TOP2B: variants seen among roughly 807,000 people sequenced by gnomAD.
TOP2B encodes the protein DNA topoisomerase 2-beta.
Under a neutral mutation model 193.5 loss-of-function variants are expected in TOP2B, and 51 were observed. That is an observed-to-expected ratio of 0.26 (90% CI 0.21 to 0.33). The LOEUF (loss-of-function observed/expected upper bound fraction) is 0.33. Ranked by LOEUF, TOP2B falls within the 10% of genes least tolerant of loss-of-function variation. The pLI, the probability that TOP2B is intolerant of heterozygous loss-of-function variation, is 1.00. For missense variants in TOP2B, 1,378 were observed against 1,909.3 expected, an observed-to-expected ratio of 0.72 and a Z score of 5.19; for synonymous variants, 634 against 635.7, an observed-to-expected ratio of 1.00 and a Z score of 0.04.
At chr3:25,599,706 A>G (rs1475306911) in intron 34 of TOP2B, among the ~76,000 whole-genome samples, 177 bp from the exon 35 acceptor site, 1 of 152,238 alleles carries the variant, frequency 6.6e-6, no homozygotes. Context: ...TCTGGGGTTG[A>G]CATGACCAAA....
chr3:25,621,326 T>A (rs758851660), intron 21 of TOP2B, among the ~76,000 whole-genome samples: 10 of 152,200 alleles, frequency 6.6e-5, no homozygotes, highest in Non-Finnish European at 1.2e-4. Flanking sequence ...TTACTCATCC[T>A]TCCCAACTGA....
chr3:25,604,705 TTTTACA>T (rs1188190161), intron 33 of TOP2B, 49 bp downstream of exon 33: 2 of 1,349,084 alleles, frequency 1.5e-6, no homozygotes, highest in African/African-American at 2.9e-5. Context: ...TTACATTTCC[TTTTACA>T]TTAACTATCT....
chr3:25,648,272 A>G (rs563647624), intron 1 of TOP2B, among the ~76,000 whole-genome samples: 2 of 152,232 alleles, frequency 1.3e-5, no homozygotes, highest in Non-Finnish European at 2.9e-5. Context: ...GTAGTTTACT[A>G]CAGCACGAGA....
intron 4 of TOP2B, among the ~76,000 whole-genome samples, chr3:25,640,759 T>C (rs1048260324): frequency 7.2e-6 from 1 of 139,260 alleles, no homozygotes; most frequent in Non-Finnish European, 1.5e-5. Flanking sequence ...TGTCTTTTTT[T>C]TTTTTTTTTT....
At chr3:25,646,773 T>G (rs1419666708) in intron 1 of TOP2B, among the ~76,000 whole-genome samples, 2 of 152,182 alleles carry the variant, frequency 1.3e-5, no homozygotes, top group Non-Finnish European at 2.9e-5. Flanking sequence ...ACTGTATCAT[T>G]AAGTATGTTT....
At chr3:25,627,653 A>C (rs1439889762) in intron 15 of TOP2B, among the ~76,000 whole-genome samples, 1 of 152,218 alleles carries the variant, frequency 6.6e-6, no homozygotes, top group Non-Finnish European at 1.5e-5. Flanking sequence ...CAGAACAAAC[A>C]ACCCAACTTC....
At chr3:25,649,609 G>GAAA (rs200542692) in intron 1 of TOP2B, among the ~76,000 whole-genome samples, 30 of 132,764 alleles carry the variant, frequency 2.3e-4, no homozygotes, top group African/African-American at 4.5e-4. Context: ...AGTACTGAAA[G>GAAA]AAAAAAAAAA....
chr3:25,597,976 A>G, downstream of TOP2B: 1 of 165,674 alleles, frequency 6.0e-6, no homozygotes, highest in Non-Finnish European at 1.3e-5. Context: ...CAGTAAAGAG[A>G]CAGAGAACAC....
At chr3:25,639,309 T>C (rs1360232946) in intron 4 of TOP2B, among the ~76,000 whole-genome samples, 1 of 152,142 alleles carries the variant, frequency 6.6e-6, no homozygotes, top group Non-Finnish European at 1.5e-5. Context: ...CTTTCCACGT[T>C]TGTTTTTGTT....
chr3:25,645,116 G>A (rs1703379063), intron 2 of TOP2B, among the ~76,000 whole-genome samples, 184 bp downstream of exon 2: 1 of 151,952 alleles, frequency 6.6e-6, no homozygotes, highest in Non-Finnish European at 1.5e-5. Flanking sequence ...AGCCTCTTCT[G>A]ACGGTTTTTA....
intron 8 of TOP2B, among the ~76,000 whole-genome samples, chr3:25,633,354 T>C (rs1703014982): frequency 1.3e-5 from 2 of 152,120 alleles, no homozygotes; most frequent in South Asian, 4.1e-4. Flanking sequence ...GCATAGGGCA[T>C]AGTACAGGGG....
chr3:25,622,967 G>A (rs190367310), intron 21 of TOP2B, among the ~76,000 whole-genome samples: 1 of 152,188 alleles, frequency 6.6e-6, no homozygotes, highest in East Asian at 1.9e-4. Flanking sequence ...TAGTAGAGAT[G>A]GAGTTTCCCC....
At chr3:25,622,181 T>G (rs919301687) in intron 21 of TOP2B, among the ~76,000 whole-genome samples, 3 of 152,150 alleles carry the variant, frequency 2.0e-5, no homozygotes, top group Non-Finnish European at 4.4e-5. Context: ...TAGCACAGTT[T>G]CATACACATA....
chr3:25,617,758 T>C (rs995634959), intron 25 of TOP2B, among the ~76,000 whole-genome samples: 4 of 152,322 alleles, frequency 2.6e-5, no homozygotes, highest in African/African-American at 9.6e-5. Context: ...TTTCTTTTAG[T>C]TATACAAAAC....
intron 25 of TOP2B, among the ~76,000 whole-genome samples, chr3:25,616,664 T>C (rs548838926): frequency 1.7e-4 from 26 of 151,996 alleles, no homozygotes; most frequent in Non-Finnish European, 4.4e-5. Context: ...TTTTGAAAAA[T>C]TCTTCATGAA....
intron 27 of TOP2B, among the ~76,000 whole-genome samples, chr3:25,613,519 C>T (rs1179112964): frequency 1.3e-5 from 2 of 151,962 alleles, no homozygotes; most frequent in African/African-American, 4.8e-5. Context: ...ATCACTTGAG[C>T]CCAGGAGTTT....
intron 18 of TOP2B, among the ~76,000 whole-genome samples, chr3:25,626,153 AT>A (rs1412837081): frequency 6.6e-6 from 1 of 152,124 alleles, no homozygotes; most frequent in African/African-American, 2.4e-5. Flanking sequence ...TAGTTCCTAA[AT>A]TTTTTTCAAG....
chr3:25,645,909 A>T (rs1575583927), intron 1 of TOP2B, among the ~76,000 whole-genome samples: 1 of 148,702 alleles, frequency 6.7e-6, no homozygotes, highest in Non-Finnish European at 1.5e-5. Context: ...ACAGGTGCGC[A>T]CCACTATGCC....
intron 1 of TOP2B, among the ~76,000 whole-genome samples, chr3:25,663,182 AAGC>A (rs1032472240): frequency 2.6e-5 from 4 of 152,226 alleles, no homozygotes; most frequent in Admixed American, 2.6e-4. Flanking sequence ...TTTTTATAAG[AAGC>A]AGTTGTCAAT....
Sources: gnomAD v4.1 joint callset for allele counts (sites outside exome capture counted in the v4.1 genomes callset) on GRCh38, gnomAD v4.1.1 for gene constraint, MANE v1.5 for transcripts, NCBI Gene and HGNC (gene_info 2026-07-23, HGNC 2026-07-21) for gene names.